The following PLEKHM2 variants were observed in gnomAD, a reference collection of about 807,000 sequenced individuals.
PLEKHM2 encodes pleckstrin homology domain-containing family M member 2.
A neutral mutation model predicts 116.3 loss-of-function variants in PLEKHM2; 77 were observed. That is an observed-to-expected ratio of 0.66 (90% CI 0.55 to 0.80). PLEKHM2 has a LOEUF of 0.80. PLEKHM2 is among the 30% of genes least tolerant of loss of function. The pLI is 0.00. For synonymous variants in PLEKHM2, 562 were observed against 571.0 expected, an observed-to-expected ratio of 0.98 and a Z score of 0.22; for missense variants, 1,183 against 1,354.9, an observed-to-expected ratio of 0.87 and a Z score of 1.99.
At chr1:15,713,373 A>G (rs1365968050) in intron 1 of PLEKHM2, among the ~76,000 whole-genome samples, 2 of 152,072 alleles carry the variant, frequency 1.3e-5, no homozygotes, top group African/African-American at 4.8e-5. Context: ...AATGGGAGCA[A>G]GGGGGCCTTT....
chr1:15,710,227 CAA>C (rs377012331), intron 1 of PLEKHM2, among the ~76,000 whole-genome samples: 4,780 of 74,036 alleles, frequency 0.065, 277 homozygotes, highest in African/African-American at 0.18. Context: ...ACTCCATCTC[CAA>C]AAAAAAAAAA....
At chr1:15,707,022 C>G (rs191977898) in intron 1 of PLEKHM2, among the ~76,000 whole-genome samples, 1 of 151,946 alleles carries the variant, frequency 6.6e-6, no homozygotes, top group Non-Finnish European at 1.5e-5. Context: ...GACCGAGGGC[C>G]AGCATGCTTC....
rs1249787946 is a variant in PLEKHM2 at position 15,721,975 on chromosome 1, G to A, written c.712+587G>A. On this transcript the variant is annotated intron_variant, in intron 7 of 19. Coordinates refer to ENST00000375799, the MANE Select transcript of PLEKHM2 (RefSeq NM_015164.4). The surrounding 1 kb of genome is among the most constrained non-coding windows in gnomAD (Gnocchi z 5.1). Reference sequence around the variant, plus strand: ...CCAGCCCTCCCACCCTGTCTGCTGGGCAGTAGCAGTGCCTGGGCATTTTTC... The same window carrying A: ...CCAGCCCTCCCACCCTGTCTGCTGGACAGTAGCAGTGCCTGGGCATTTTTC... Among the ~76,000 whole-genome samples the A allele has an allele frequency of 6.6e-6, 1 of 152,186 alleles. No individual in the cohort carries two copies. The highest frequency in any genetic ancestry group is 1.5e-5 in the Non-Finnish European group (1 of 68,030).
intron 1 of PLEKHM2, among the ~76,000 whole-genome samples, chr1:15,709,481 C>G (rs1641285611): frequency 6.6e-6 from 1 of 152,090 alleles, no homozygotes; most frequent in South Asian, 2.1e-4. Flanking sequence ...CTTTAAATAG[C>G]CACATGTGGC....
chr1:15,705,170 CTTTTTTTT>C (rs71306988), intron 1 of PLEKHM2, among the ~76,000 whole-genome samples: 59 of 74,074 alleles, frequency 8.0e-4, no homozygotes, highest in African/African-American at 1.3e-3. Context: ...ACGTAGATAT[CTTTTTTTT>C]TTTTTTTTTT....
In PLEKHM2 at chr1:15,730,639, C is replaced by T. The variant is rs772431603; in HGVS notation, c.2316C>T (p.Ile772=). 3 of 1,609,910 alleles carry T rather than the reference C, an allele frequency of 1.9e-6. No individual in the cohort carries two copies. Among genetic ancestry groups the T allele is most frequent in the Non-Finnish European group, 2.5e-6 (3 of 1,178,434 alleles). ...ACTGCTCACCCCCCGAGGGCACCATCACCAAAGAAGGCATGCTGCACTACA... is the reference window on the plus strand; with the variant it reads ...ACTGCTCACCCCCCGAGGGCACCATTACCAAAGAAGGCATGCTGCACTACA... ...PCHCSPPEGT[I]TKEGMLHYKA... is the part of the protein sequence containing the mutation. Residue 772 remains isoleucine, a synonymous_variant, in exon 15 of 20, where the codon ATC becomes ATT. Coordinates refer to ENST00000375799, the MANE Select transcript of PLEKHM2 (RefSeq NM_015164.4).
Position 15,725,513 on chromosome 1 carries a change from G to A in PLEKHM2, c.909G>A (p.Pro303=), listed in dbSNP as rs753956705. The change falls in exon 8 of 20, where the codon CCG becomes CCA. Residue 303 remains proline (P), a synonymous_variant. Transcript: ENST00000375799. ...AGGAGGAGGCCCAGGCCCTGGACCC[G>A]CCGGATGCCTGCACGGAGCTCGAGG... ...QEKEEAQALD[P]PDACTELEVI... 4.9e-5 allele frequency: 77 copies of A among 1,574,720 alleles called. No individual in the cohort carries two copies. Among genetic ancestry groups the A allele is most frequent in the African/African-American group, 3.5e-4 (26 of 73,852 alleles).
upstream of PLEKHM2, chr1:15,681,675 A>G (rs574282604): frequency 1.6e-5 from 7 of 442,890 alleles, no homozygotes; most frequent in East Asian, 7.1e-5. Flanking sequence ...GGAAGTGCGC[A>G]ATTCTGACTC....
upstream of PLEKHM2, among the ~76,000 whole-genome samples, chr1:15,682,512 G>A (rs540628240): frequency 2.4e-4 from 36 of 151,940 alleles, no homozygotes; most frequent in African/African-American, 3.1e-4. Flanking sequence ...CCAGCTACTC[G>A]GGAGGCTGAG....
At chr1:15,715,294 G>A (rs1168829613) in intron 1 of PLEKHM2, among the ~76,000 whole-genome samples, 2 of 152,216 alleles carry the variant, frequency 1.3e-5, no homozygotes, top group South Asian at 2.1e-4. Flanking sequence ...AGGCTGCAGC[G>A]AGCCGTGATC....
In PLEKHM2 at chr1:15,716,240, C is replaced by T. The variant is rs1303021832; in HGVS notation, c.64C>T (p.Gln22Ter). 2 of 1,563,506 alleles carry T rather than the reference C, an allele frequency of 1.3e-6. No homozygotes were observed. The highest frequency in any genetic ancestry group is 1.4e-5 in the African/African-American group (1 of 72,770). Residue 22 changes from glutamine (Q) to a stop codon, truncating the protein, a stop_gained, in exon 2 of 20, where the codon CAG (glutamine) becomes TAG (stop). Transcript: ENST00000375799. LOFTEE classifies it high-confidence loss of function. ...GAGGTGTTTTTTTTTCTTTCAGTTG[C>T]AGAGCTATTTTGCTGCATGTGAGGA... The part of the protein sequence containing the change: ...ENISLSVKKL[Q>*]SYFAACEDEI...
At chr1:15,695,225 C>T (rs890274490) in intron 1 of PLEKHM2, among the ~76,000 whole-genome samples, 6 of 152,136 alleles carry the variant, frequency 3.9e-5, no homozygotes, top group African/African-American at 1.4e-4. Flanking sequence ...CAATATTATG[C>T]GAGTACAAGG....
At position 15,725,433 on chromosome 1, in the gene PLEKHM2, G is replaced by A. The variant is rs535446856; in HGVS notation, c.829G>A (p.Ala277Thr). ...CCAGAACCCCTTCAACGAGGAGCCGGCAGAGACTGTGTCCTCCTCTGACAC... is the reference window on the plus strand; with the variant it reads ...CCAGAACCCCTTCAACGAGGAGCCGACAGAGACTGTGTCCTCCTCTGACAC... ...QRQNPFNEEP[A>T]ETVSSSDTTP... Residue 277 changes from alanine to threonine, a missense_variant, in exon 8 of 20, where the codon GCA becomes ACA. Transcript: ENST00000375799. 12 of 1,562,508 alleles carry A rather than the reference G, an allele frequency of 7.7e-6. No individual in the cohort carries two copies. In the African/African-American group the frequency reaches 1.2e-4, roughly 16 times the overall value.
At chr1:15,698,496 C>G (rs939302478) in intron 1 of PLEKHM2, among the ~76,000 whole-genome samples, 8 of 151,262 alleles carry the variant, frequency 5.3e-5, no homozygotes, top group African/African-American at 1.9e-4. Context: ...TGAGCCACCA[C>G]TCCCAGCCAA....
chr1:15,685,558 A>G (rs1024180504), intron 1 of PLEKHM2, among the ~76,000 whole-genome samples: 16 of 139,718 alleles, frequency 1.1e-4, no homozygotes, highest in Admixed American at 2.1e-4. Context: ...AAAAAAAAAA[A>G]AAGAAAGAAA....
intron 1 of PLEKHM2, among the ~76,000 whole-genome samples, chr1:15,686,901 C>T (rs943179772): frequency 1.3e-5 from 2 of 152,044 alleles, no homozygotes; most frequent in African/African-American, 2.4e-5. Flanking sequence ...CTGCCCGCTT[C>T]GGCCTCCCAA....
chr1:15,681,837 C>T (rs895814571), upstream of PLEKHM2, among the ~76,000 whole-genome samples: 1 of 152,206 alleles, frequency 6.6e-6, no homozygotes, highest in Non-Finnish European at 1.5e-5. Flanking sequence ...TTATTCTGCT[C>T]TCTGAATATG....
At position 15,731,225 on chromosome 1, in the gene PLEKHM2, C is replaced by A; in HGVS notation, c.2433C>A (p.Thr811=). ...TCCTCTACCAGTACCCGGACCGCAC[C>A]GACGTCATCCCTCTGCTCTCGGTGA... ...NGILYQYPDR[T]DVIPLLSVNM... The change falls in exon 16 of 20, where the codon ACC becomes ACA. Residue 811 remains threonine (T), a synonymous_variant. Coordinates refer to ENST00000375799, the MANE Select transcript of PLEKHM2 (RefSeq NM_015164.4). 1 of 1,598,400 alleles carries A rather than the reference C, an allele frequency of 6.3e-7. No individual in the cohort carries two copies. Among genetic ancestry groups the A allele is most frequent in the East Asian group, 2.3e-5 (1 of 44,156 alleles).
Position 15,728,071 on chromosome 1 carries a change from C to T in PLEKHM2, c.1761-8C>T. 6.2e-7 allele frequency: 1 copy of T among 1,607,368 alleles called. No individual in the cohort carries two copies. Among genetic ancestry groups the T allele is most frequent in the Non-Finnish European group, 8.5e-7 (1 of 1,176,268 alleles). On this transcript the variant is annotated splice_region_variant and splice_polypyrimidine_tract_variant and intron_variant, in intron 9 of 19. Coordinates refer to ENST00000375799, the MANE Select transcript of PLEKHM2 (RefSeq NM_015164.4). The surrounding 1 kb of genome is among the most constrained non-coding windows in gnomAD (Gnocchi z 5.9). The stretch of plus-strand genomic sequence containing the variant: ...TGACATCTCGCCCTCCTGACTTGGC[C>T]CTCACAGAGTAGACAACAATCACCT...
Sources: allele counts gnomAD v4.1 joint callset (sites outside exome capture counted in the v4.1 genomes callset), GRCh38; gene constraint gnomAD v4.1.1; non-coding constraint Gnocchi (gnomAD v3.1); transcripts MANE v1.5; gene names NCBI Gene and HGNC (gene_info 2026-07-23, HGNC 2026-07-21).